AGBL4: variants seen among roughly 807,000 people sequenced by gnomAD.
AGBL4 encodes the protein cytosolic carboxypeptidase 6.
A neutral mutation model predicts 66.4 loss-of-function variants in AGBL4; 58 were observed. The ratio of observed to expected loss-of-function variants is 0.87; its 90% CI spans 0.71 to 1.09. AGBL4 has a LOEUF of 1.09. AGBL4 is among the 50% of genes least tolerant of loss of function. The pLI, the probability that AGBL4 is intolerant of heterozygous loss-of-function variation, is 0.00. For synonymous variants in AGBL4, 234 were observed against 222.9 expected (o/e 1.05, Z -0.44); for missense variants, 579 against 631.0 (o/e 0.92, Z 0.88).
chr1:49,253,187 G>C (rs1372107282), intron 3 of AGBL4, among the ~76,000 whole-genome samples: 1 of 151,970 alleles, frequency 6.6e-6, no homozygotes, highest in African/African-American at 2.4e-5. Flanking sequence ...ACACACATAG[G>C]CTCAAAATAA....
chr1:49,145,342 T>C (rs1274325391), intron 4 of AGBL4, among the ~76,000 whole-genome samples: 1 of 152,190 alleles, frequency 6.6e-6, no homozygotes, highest in African/African-American at 2.4e-5. Context: ...ATTTATTAGT[T>C]TGTTGAACTT....
intron 6 of AGBL4, among the ~76,000 whole-genome samples, chr1:48,745,700 A>G (rs1183671480): frequency 6.6e-6 from 1 of 152,208 alleles, no homozygotes; most frequent in Non-Finnish European, 1.5e-5. Context: ...AGGCTGCCCT[A>G]TCCCCTCAAA....
At chr1:49,784,004 A>G (rs1644395253) in intron 2 of AGBL4, among the ~76,000 whole-genome samples, 2 of 152,268 alleles carry the variant, frequency 1.3e-5, no homozygotes, top group Admixed American at 6.5e-5. Context: ...AGAAAATGTA[A>G]ATAAATGTAA....
chr1:48,978,179 G>A (rs184716747), intron 5 of AGBL4, among the ~76,000 whole-genome samples: 1 of 152,274 alleles, frequency 6.6e-6, no homozygotes, highest in African/African-American at 2.4e-5. Context: ...AACTATGTAT[G>A]GAAATGTGAG....
chr1:49,000,731 C>T (rs986494039), intron 5 of AGBL4, among the ~76,000 whole-genome samples: 4 of 152,128 alleles, frequency 2.6e-5, no homozygotes, highest in Admixed American at 1.3e-4. Flanking sequence ...CTCTAGAGTA[C>T]CTGAAGTGTT....
At chr1:48,871,353 T>TTGTGTGTGTGTGTGTGTGTG (rs138337930) in intron 5 of AGBL4, among the ~76,000 whole-genome samples, 304 of 141,060 alleles carry the variant, frequency 2.2e-3, no homozygotes, top group Non-Finnish European at 3.7e-3. Flanking sequence ...GTAGTAGTGG[T>TTGTGTGTGTGTGTGTGTGTG]TGTGTGTGTG....
chr1:49,009,864 T>C (rs1048370297), intron 5 of AGBL4, among the ~76,000 whole-genome samples: 2 of 152,136 alleles, frequency 1.3e-5, no homozygotes, highest in Non-Finnish European at 2.9e-5. Flanking sequence ...AATTAGGTAT[T>C]GATGGGACAT....
At chr1:49,629,895 A>AT (rs1645537945) in intron 3 of AGBL4, among the ~76,000 whole-genome samples, 2 of 152,154 alleles carry the variant, frequency 1.3e-5, no homozygotes, top group South Asian at 4.1e-4. Context: ...GGGGGAAATC[A>AT]ACCATTCTCC....
intron 3 of AGBL4, among the ~76,000 whole-genome samples, chr1:49,697,046 G>A (rs966138428): frequency 1.3e-5 from 2 of 151,996 alleles, no homozygotes; most frequent in African/African-American, 2.4e-5. Flanking sequence ...GTCCCTCAAG[G>A]AATCCTAACA....
At chr1:49,208,596 T>C (rs972728831) in intron 4 of AGBL4, among the ~76,000 whole-genome samples, 1 of 152,076 alleles carries the variant, frequency 6.6e-6, no homozygotes, top group African/African-American at 2.4e-5. Flanking sequence ...TTCTTGGTTG[T>C]TGTCTAACAC....
chr1:48,642,279 G>C (rs989339872), intron 8 of AGBL4, among the ~76,000 whole-genome samples: 2 of 152,150 alleles, frequency 1.3e-5, no homozygotes, highest in African/African-American at 4.8e-5. Flanking sequence ...TGGCCTTTTC[G>C]GCAAGGTGGT....
At chr1:49,672,290 C>T (rs1646492219) in intron 3 of AGBL4, among the ~76,000 whole-genome samples, 1 of 148,498 alleles carries the variant, frequency 6.7e-6, no homozygotes, top group Non-Finnish European at 1.5e-5. Context: ...ATGATAAGAA[C>T]ATATAAACAC....
intron 3 of AGBL4, among the ~76,000 whole-genome samples, chr1:49,626,390 A>G (rs1160887553): frequency 6.6e-6 from 1 of 152,174 alleles, no homozygotes; most frequent in Non-Finnish European, 1.5e-5. Context: ...TCTATTTCAT[A>G]CCTGTAAAGC....
chr1:49,953,095 C>G (rs977129299), intron 1 of AGBL4, among the ~76,000 whole-genome samples: 5 of 151,840 alleles, frequency 3.3e-5, no homozygotes, highest in African/African-American at 4.8e-5. Flanking sequence ...AGAATGATAG[C>G]CATGAACAGA....
chr1:49,982,633 C>T (rs570304678), intron 1 of AGBL4, among the ~76,000 whole-genome samples: 24 of 152,180 alleles, frequency 1.6e-4, no homozygotes, highest in African/African-American at 2.4e-4. Flanking sequence ...CTGCCAGTCC[C>T]GTGGACCAGA....
At chr1:49,206,889 AGGAGAGGAG>A (rs1648183256) in intron 4 of AGBL4, among the ~76,000 whole-genome samples, 8 of 101,812 alleles carry the variant, frequency 7.9e-5, no homozygotes, top group Non-Finnish European at 1.1e-4. Flanking sequence ...AGGAGAGGAG[AGGAGAGGAG>A]AGGAGAGGAG....
At chr1:48,942,503 G>A (rs898045620) in intron 5 of AGBL4, among the ~76,000 whole-genome samples, 28 of 152,274 alleles carry the variant, frequency 1.8e-4, no homozygotes, top group Admixed American at 3.3e-4. Context: ...TAAATGAGAT[G>A]ATTTTGGGAA....
chr1:49,957,480 T>A (rs1033851125), intron 1 of AGBL4, among the ~76,000 whole-genome samples: 2 of 151,790 alleles, frequency 1.3e-5, no homozygotes, highest in Non-Finnish European at 2.9e-5. Flanking sequence ...CCCATTATTA[T>A]TGTGTGGGAG....
At chr1:48,555,460 G>A (rs894475852) in intron 11 of AGBL4, among the ~76,000 whole-genome samples, 1 of 152,194 alleles carries the variant, frequency 6.6e-6, no homozygotes, top group Non-Finnish European at 1.5e-5. Flanking sequence ...AGAGGCATGT[G>A]CAAGCATGCT....
Sources: gnomAD v4.1 joint callset for allele counts (sites outside exome capture counted in the v4.1 genomes callset) on GRCh38, gnomAD v4.1.1 for gene constraint, MANE v1.5 for transcripts, NCBI Gene and HGNC (gene_info 2026-07-23, HGNC 2026-07-21) for gene names.